Variants in SLC6A17 observed in about 807,000 individuals in gnomAD.
The protein encoded by SLC6A17 is sodium-dependent neutral amino acid transporter SLC6A17.
SLC6A17 carries 21 observed loss-of-function variants against 64.5 expected under a neutral mutation model. The observed-to-expected ratio is 0.33, with a 90% CI of 0.23 to 0.47. SLC6A17 has a LOEUF of 0.47. SLC6A17 is among the 20% of genes least tolerant of loss of function. SLC6A17 has a pLI of 1.00. For synonymous variants in SLC6A17, 372 were observed against 399.5 expected, an observed-to-expected ratio of 0.93 and a Z score of 0.82; for missense variants, 682 against 963.2, an observed-to-expected ratio of 0.71 and a Z score of 3.86.
chr1:110,180,361 G>A (rs772395086), intron 6 of SLC6A17, among the ~76,000 whole-genome samples: 11 of 152,140 alleles, frequency 7.2e-5, no homozygotes, highest in Non-Finnish European at 5.9e-5. Flanking sequence ...TTGGGGGATG[G>A]GCAGGAGAGG....
intron 6 of SLC6A17, among the ~76,000 whole-genome samples, chr1:110,180,997 G>C (rs1656507687): frequency 6.6e-6 from 1 of 152,104 alleles, no homozygotes; most frequent in African/African-American, 2.4e-5. Context: ...TCTTCAAGCA[G>C]ACAGTTACCG....
At chr1:110,194,868 C>A in intron 9 of SLC6A17, 97 bp downstream of exon 9, 1 of 1,441,260 alleles carries the variant, frequency 6.9e-7, no homozygotes, top group Non-Finnish European at 9.5e-7. Context: ...TGACCCCACA[C>A]CCAGAAGGCT....
Position 110,192,830 on chromosome 1 carries a change from G to A in SLC6A17, c.1299+132G>A, listed in dbSNP as rs1272079304. ...TTTACTTGGTAAGCAAGGATCTGCTGTGTGTCCAGAGGGAGTGAAAGGGAA... is the reference window on the plus strand; with the variant it reads ...TTTACTTGGTAAGCAAGGATCTGCTATGTGTCCAGAGGGAGTGAAAGGGAA... On this transcript the variant is annotated intron_variant, in intron 8 of 11. Coordinates refer to ENST00000331565, the MANE Select transcript of SLC6A17 (RefSeq NM_001010898.4). This position sits in a 1 kb window ranked among gnomAD's most constrained non-coding sequence, Gnocchi z 4.3. The A allele has an allele frequency of 3.7e-6, 4 of 1,073,684 alleles. No homozygotes were observed. In the Admixed American group the frequency reaches 1.1e-4, roughly 31 times the overall value. 66.5% of individuals were successfully genotyped at this position (1,073,684 alleles called of 1,614,324 possible).
intron 1 of SLC6A17, among the ~76,000 whole-genome samples, chr1:110,161,049 G>A (rs559457300): frequency 6.6e-6 from 1 of 152,316 alleles, no homozygotes; most frequent in Admixed American, 6.5e-5. Flanking sequence ...AGGTCAAGAA[G>A]GGTGTGGGGT....
At chr1:110,174,661 C>A in intron 4 of SLC6A17, 118 bp from the exon 5 acceptor site, 2 of 1,287,908 alleles carry the variant, frequency 1.6e-6, no homozygotes, top group South Asian at 2.9e-5. Flanking sequence ...ACAGCCCCTC[C>A]CAGCTGCCCA....
intron 10 of SLC6A17, among the ~76,000 whole-genome samples, chr1:110,196,639 G>GT (rs1656977613): frequency 6.6e-6 from 1 of 152,132 alleles, no homozygotes; most frequent in East Asian, 1.9e-4. Flanking sequence ...AATGTGTAGG[G>GT]TTATATAAGA....
At chr1:110,185,589 C>T (rs760425472) in intron 6 of SLC6A17, among the ~76,000 whole-genome samples, 3 of 152,232 alleles carry the variant, frequency 2.0e-5, no homozygotes, top group Non-Finnish European at 2.9e-5. Context: ...GAAGCTGTTC[C>T]TCTGTTTTAG....
intron 6 of SLC6A17, among the ~76,000 whole-genome samples, chr1:110,190,383 C>A (rs1206604649): frequency 6.6e-6 from 1 of 152,198 alleles, no homozygotes; most frequent in Non-Finnish European, 1.5e-5. Flanking sequence ...CGACTACCAT[C>A]CCCCACCTCT....
intron 8 of SLC6A17, among the ~76,000 whole-genome samples, 182 bp from the exon 9 acceptor site, chr1:110,194,397 G>A (rs1045734404): frequency 6.6e-6 from 1 of 152,250 alleles, no homozygotes; most frequent in African/African-American, 2.4e-5. Flanking sequence ...ACGTCTAGGG[G>A]ATTCCAATGC....
At chr1:110,156,107 T>C (rs1570976313) in intron 1 of SLC6A17, among the ~76,000 whole-genome samples, 1 of 152,070 alleles carries the variant, frequency 6.6e-6, no homozygotes, top group Non-Finnish European at 1.5e-5. Flanking sequence ...CTGTCCATGG[T>C]CCTGCCACAC....
chr1:110,200,134 T>A lies in SLC6A17; in HGVS notation c.*1690T>A. 1 of 398,544 alleles carries A rather than the reference T, an allele frequency of 2.5e-6. No homozygotes were observed. Among genetic ancestry groups the A allele is most frequent in the East Asian group, 3.6e-5 (1 of 28,058 alleles). 24.7% of individuals were successfully genotyped at this position (398,544 alleles called of 1,614,324 possible). A position where few individuals can be genotyped will look rare whatever the true frequency, so the allele number is the denominator to read the frequency against. ...TGTGGCTCAGATTGCTCTTAGGACC[T>A]GGAGGGACAGACCAGAATCAGGGTC... On this transcript the variant is annotated 3_prime_UTR_variant, in exon 12 of 12. Transcript: ENST00000331565.
intron 9 of SLC6A17, 73 bp from the exon 10 acceptor site, chr1:110,195,513 G>C (rs1656937799): frequency 1.3e-6 from 2 of 1,567,420 alleles, no homozygotes; most frequent in African/African-American, 1.3e-5. Flanking sequence ...AGGGGCCTGG[G>C]TGCCCCCGAG....
In SLC6A17 at chr1:110,172,060, G is replaced by A. The variant is rs1379130039; in HGVS notation, c.287G>A (p.Gly96Asp). 6.2e-7 allele frequency: 1 copy of A among 1,613,878 alleles called. No homozygotes were observed. The highest frequency in any genetic ancestry group is 1.3e-5 in the African/African-American group (1 of 74,922). The change falls in exon 3 of 12, where the codon GGT (glycine) becomes GAT (aspartate). Residue 96 changes from glycine (G) to aspartate (D), a missense_variant and splice_region_variant. Physicochemically the swap from Gly to Asp is moderately conservative, Grantham distance 94 (BLOSUM62 -1). Coordinates refer to ENST00000331565, the MANE Select transcript of SLC6A17 (RefSeq NM_001010898.4). ...TGCCATCCCTCTGCTCTCCCCACAG[G>A]TGCTTACCTGGTGCCCTACCTGGTG... ...FPYLCQKNGG[G>D]AYLVPYLVLL... is the part of the protein sequence containing the mutation.
chr1:110,152,696 G>A (rs992738201), intron 1 of SLC6A17, among the ~76,000 whole-genome samples: 10 of 152,188 alleles, frequency 6.6e-5, no homozygotes, highest in Admixed American at 2.0e-4. Flanking sequence ...ATGTGCCAGT[G>A]GGGTGACCTT....
chr1:110,194,988 A>G, intron 9 of SLC6A17: 1 of 631,064 alleles, frequency 1.6e-6, no homozygotes. Flanking sequence ...ATGAGCCGGG[A>G]GGCCTGCATC....
Position 110,166,976 on chromosome 1 carries a change from A to G in SLC6A17, c.47A>G (p.His16Arg), listed in dbSNP as rs1656078791. ...KVTQREHSSEHVTESVADLLA... is the reference protein window; with the variant it reads ...KVTQREHSSERVTESVADLLA... ...ACCCAGCGTGAGCACAGCAGTGAGC[A>G]TGTCACTGAGTCCGTGGCCGACCTG... Residue 16 changes from histidine (H) to arginine (R), a missense_variant, in exon 2 of 12, where the codon CAT becomes CGT. By Grantham distance (29) the His-to-Arg change is conservative (BLOSUM62 0). Coordinates refer to ENST00000331565, the MANE Select transcript of SLC6A17 (RefSeq NM_001010898.4). 1 of 1,613,938 alleles carries G rather than the reference A, an allele frequency of 6.2e-7. No homozygotes were observed. The highest frequency in any genetic ancestry group is 2.2e-5 in the East Asian group (1 of 44,878).
rs2100957979 is a variant in SLC6A17, at chr1:110,200,367, C to T, written c.*1923C>T. The T allele has an allele frequency of 2.8e-6, 1 of 351,072 alleles. No homozygotes were observed. The highest frequency in any genetic ancestry group is 5.1e-6 in the Non-Finnish European group (1 of 196,600). The allele number at this position is 351,072 out of a possible 1,614,324, so 21.7% of individuals were successfully genotyped here. On this transcript the variant is annotated 3_prime_UTR_variant, in exon 12 of 12. Coordinates refer to ENST00000331565, the MANE Select transcript of SLC6A17 (RefSeq NM_001010898.4). ...GCTTTTGGGGCACAACATCCCACCGCAGTCCCCCTCACCCGACAACACCTC... is the reference window on the plus strand; with the variant it reads ...GCTTTTGGGGCACAACATCCCACCGTAGTCCCCCTCACCCGACAACACCTC...
chr1:110,176,105 C>T lies in SLC6A17; in HGVS notation c.754-524C>T, dbSNP rs143502975. 3.1e-3 allele frequency among the ~76,000 whole-genome samples: 465 copies of T among 152,250 alleles called. 6 individuals are homozygous for T. The highest frequency in any genetic ancestry group is 0.011 in the African/African-American group (444 of 41,526). ...GCATCTCGTGTGAGGCCATGTACCA[C>T]GCACGCAGGGATATAGACATGTGCG... On this transcript the variant is annotated intron_variant, in intron 5 of 11. Transcript: ENST00000331565.
chr1:110,166,247 C>T (rs145064673), intron 1 of SLC6A17: 2 of 151,810 alleles, frequency 1.3e-5, no homozygotes, highest in African/African-American at 4.8e-5. Context: ...GCCATCGGCA[C>T]TGGTGTCCAG....
Sources: gnomAD v4.1 joint callset for allele counts (sites outside exome capture counted in the v4.1 genomes callset) on GRCh38, gnomAD v4.1.1 for gene constraint, Gnocchi (gnomAD v3.1) non-coding constraint, MANE v1.5 for transcripts, NCBI Gene and HGNC (gene_info 2026-07-23, HGNC 2026-07-21) for gene names.